The following TSEN2 variants were observed in gnomAD, a reference collection of about 807,000 sequenced individuals.
TSEN2 encodes tRNA-splicing endonuclease subunit Sen2.
A neutral mutation model predicts 59.2 loss-of-function variants in TSEN2; 54 were observed. The observed-to-expected ratio is 0.91, with a 90% CI of 0.73 to 1.14. The LOEUF (loss-of-function observed/expected upper bound fraction) is 1.14, where lower values mean the gene tolerates loss of function less well. TSEN2 is among the 50% of genes most tolerant of loss of function. TSEN2 has a pLI of 0.00. For synonymous variants in TSEN2, 195 were observed against 198.2 expected (o/e 0.98, Z 0.14); for missense variants, 636 against 576.2 (o/e 1.10, Z -1.06).
intron 6 of TSEN2, 84 bp from the exon 7 acceptor site, chr3:12,516,527 G>A: frequency 2.4e-6 from 3 of 1,260,412 alleles, no homozygotes; most frequent in Non-Finnish European, 3.5e-6. Flanking sequence ...TGTATTTGAG[G>A]TGAAAAGAGA....
downstream of TSEN2, among the ~76,000 whole-genome samples, chr3:12,538,244 A>G (rs1211468226): frequency 1.3e-5 from 2 of 152,258 alleles, no homozygotes; most frequent in Non-Finnish European, 2.9e-5. Context: ...GATAAAACAC[A>G]TTAAAGTTTA....
At chr3:12,527,313 A>T (rs2057161387) in intron 8 of TSEN2, among the ~76,000 whole-genome samples, 1 of 152,234 alleles carries the variant, frequency 6.6e-6, no homozygotes, top group Non-Finnish European at 1.5e-5. Context: ...TGGTTACTAA[A>T]GTCATGCTAC....
intron 4 of TSEN2, among the ~76,000 whole-genome samples, chr3:12,500,047 C>T (rs372252865): frequency 2.6e-5 from 4 of 152,182 alleles, no homozygotes; most frequent in African/African-American, 7.2e-5. Context: ...CTGATGGGCA[C>T]GTCCTGTGTC....
chr3:12,501,334 G>T (rs534907911), intron 4 of TSEN2, among the ~76,000 whole-genome samples: 1 of 152,300 alleles, frequency 6.6e-6, no homozygotes, highest in Admixed American at 6.5e-5. Flanking sequence ...AAGTAACAGG[G>T]CTGGACACAA....
intron 3 of TSEN2, among the ~76,000 whole-genome samples, chr3:12,492,947 C>G (rs1181179840): frequency 6.6e-6 from 1 of 152,216 alleles, no homozygotes; most frequent in Admixed American, 6.5e-5. Context: ...TCCTCTCTTT[C>G]CTCAGTCCCT....
At chr3:12,519,875 A>G (rs1237131224) in intron 8 of TSEN2, among the ~76,000 whole-genome samples, 2 of 152,330 alleles carry the variant, frequency 1.3e-5, no homozygotes, top group African/African-American at 4.8e-5. Flanking sequence ...GAACAATCAT[A>G]TAATTGTAAT....
intron 8 of TSEN2, among the ~76,000 whole-genome samples, chr3:12,523,546 T>TTTTTTTTTTTTTTTTTTTTTTTTTTTA (rs1419538897): frequency 7.1e-6 from 1 of 140,824 alleles, no homozygotes; most frequent in African/African-American, 2.7e-5. Context: ...TTTTTTTTTT[T>TTTTTTTTTTTTTTTTTTTTTTTTTTTA]TTTTTGAGAC....
rs555434671 is a variant in TSEN2, at chr3:12,533,009, T to C, written c.*288T>C. Reference sequence around the variant, plus strand: ...CATCCACTCACTGGGGAGATTGGACTAGAGGAGTCCTGAGAGGACACTTCC... The same window carrying C: ...CATCCACTCACTGGGGAGATTGGACCAGAGGAGTCCTGAGAGGACACTTCC... On this transcript the variant is annotated 3_prime_UTR_variant, in exon 12 of 12. Coordinates refer to ENST00000284995, the MANE Select transcript of TSEN2 (RefSeq NM_025265.4). The C allele has an allele frequency of 1.9e-6, 1 of 522,686 alleles. No homozygotes were observed. The highest frequency in any genetic ancestry group is 3.2e-5 in the Admixed American group (1 of 31,318). 32.4% of individuals were successfully genotyped at this position (522,686 alleles called of 1,614,324 possible).
At chr3:12,490,047 T>G in intron 2 of TSEN2, 58 bp downstream of exon 2, 1 of 1,519,180 alleles carries the variant, frequency 6.6e-7, no homozygotes, top group Non-Finnish European at 9.1e-7. Context: ...AAGCAGTCCT[T>G]TCCTTCTCCC....
chr3:12,516,815 T>C (rs1288177949), intron 7 of TSEN2, among the ~76,000 whole-genome samples, 154 bp downstream of exon 7: 1 of 152,186 alleles, frequency 6.6e-6, no homozygotes, highest in East Asian at 1.9e-4. Flanking sequence ...ATTTGGGTCC[T>C]GAGGTGGGAC....
chr3:12,505,167 A>G lies in TSEN2; in HGVS notation c.845A>G (p.Asn282Ser), dbSNP rs202056552. The G allele has an allele frequency of 2.2e-5, 35 of 1,608,044 alleles. No homozygotes were observed. The highest frequency in any genetic ancestry group is 3.0e-5 in the Non-Finnish European group (35 of 1,174,598). ...AAPNEELVQR[N>S]RLICRRNPYR... ...CTTTCTCTTTAGTTGGTGCAAAGAA[A>G]CAGGTTAATATGCAGAAGAAATCCA... Residue 282 changes from asparagine (N) to serine (S), a missense_variant, in exon 6 of 12, where the codon AAC becomes AGC. Asn to Ser is a conservative substitution (Grantham distance 46). Coordinates refer to ENST00000284995, the MANE Select transcript of TSEN2 (RefSeq NM_025265.4).
At chr3:12,523,617 A>G (rs1340475718) in intron 8 of TSEN2, among the ~76,000 whole-genome samples, 1 of 139,156 alleles carries the variant, frequency 7.2e-6, no homozygotes, top group Non-Finnish European at 1.5e-5. Flanking sequence ...TCGGCTCACT[A>G]CAACCTCTGC....
chr3:12,506,595 AG>A, intron 6 of TSEN2: 1 of 652,274 alleles, frequency 1.5e-6, no homozygotes, highest in Non-Finnish European at 1.9e-6. Context: ...AAAAAAAAAA[AG>A]TGGCTAAAAG....
chr3:12,492,883 T>G (rs185349372), intron 3 of TSEN2, among the ~76,000 whole-genome samples: 55 of 152,334 alleles, frequency 3.6e-4, no homozygotes, highest in Admixed American at 1.6e-3. Context: ...GAGGTGAATT[T>G]GGCAATGTCT....
intron 1 of TSEN2, among the ~76,000 whole-genome samples, chr3:12,489,309 C>A (rs2052973563): frequency 1.3e-5 from 2 of 152,100 alleles, no homozygotes; most frequent in Admixed American, 1.3e-4. Context: ...ATTGTAAGAT[C>A]CTCTTGGAAA....
upstream of TSEN2, among the ~76,000 whole-genome samples, chr3:12,480,722 C>CCA (rs1199556542): frequency 4.0e-5 from 6 of 151,520 alleles, no homozygotes; most frequent in Admixed American, 1.3e-4. Flanking sequence ...TTAGTAGAGA[C>CCA]GGGGTTTTGC....
At chr3:12,517,833 T>TG (rs1410541922) in intron 7 of TSEN2, among the ~76,000 whole-genome samples, 6 of 151,918 alleles carry the variant, frequency 3.9e-5, no homozygotes, top group African/African-American at 1.2e-4. Flanking sequence ...TGAACAACAC[T>TG]GGGCTGTGTT....
At chr3:12,485,509 C>T (rs935999108) in intron 1 of TSEN2, among the ~76,000 whole-genome samples, 6 of 152,130 alleles carry the variant, frequency 3.9e-5, no homozygotes, top group African/African-American at 1.4e-4. Flanking sequence ...ATAGTCTTTA[C>T]CTCCGGGGGC....
chr3:12,521,880 A>G (rs796176), intron 8 of TSEN2, among the ~76,000 whole-genome samples: 83,024 of 151,682 alleles, frequency 0.55, 24,550 homozygotes, highest in African/African-American at 0.77. Flanking sequence ...ACGTGGTGGC[A>G]GGTGCCTGTA....
Sources: allele counts gnomAD v4.1 joint callset (sites outside exome capture counted in the v4.1 genomes callset), GRCh38; gene constraint gnomAD v4.1.1; transcripts MANE v1.5; gene names NCBI Gene and HGNC (gene_info 2026-07-23, HGNC 2026-07-21).